ZNF676: variants seen among roughly 807,000 people sequenced by gnomAD.
ZNF676 encodes zinc finger protein 676.
Under a neutral mutation model 6.0 loss-of-function variants are expected in ZNF676, and 4 were observed. The ratio of observed to expected loss-of-function variants is 0.67; its 90% confidence interval spans 0.33 to 1.53. The LOEUF is 1.53. ZNF676 is among the 40% of genes most tolerant of loss of function. ZNF676 has a pLI of 0.06. For missense variants in ZNF676, 644 were observed against 679.7 expected (o/e 0.95, Z 0.58); for synonymous variants, 198 against 223.1 (o/e 0.89, Z 1.00).
At chr19:22,202,322 T>C (rs2024034407) in intron 1 of ZNF676, among the ~76,000 whole-genome samples, 1 of 152,176 alleles carries the variant, frequency 6.6e-6, no homozygotes, top group Middle Eastern at 3.2e-3. Context: ...ATAAAGTTTG[T>C]AGAAATCTGT....
At chr19:22,256,964 C>T in the ZNF676 span, among the ~76,000 whole-genome samples, 2 of 152,078 alleles carry the variant, frequency 1.3e-5, no homozygotes, top group Admixed American at 6.6e-5. Flanking sequence ...ACTAGTGATA[C>T]ATCACAATCC....
chr19:22,204,972 C>T (rs974939000), intron 1 of ZNF676, among the ~76,000 whole-genome samples: 5 of 152,140 alleles, frequency 3.3e-5, no homozygotes, highest in African/African-American at 1.2e-4. Context: ...CTTATTTTCA[C>T]ATATGAGAAT....
At chr19:22,190,501 T>A (rs10417143) in intron 2 of ZNF676, among the ~76,000 whole-genome samples, 66,980 of 150,218 alleles carry the variant, frequency 0.45, 15,990 homozygotes, top group African/African-American at 0.63. Context: ...AATCTTAAAA[T>A]AATAATAATA....
chr19:22,182,585 T>TAAAAAAAAAA lies in ZNF676; in HGVS notation c.131-1009_131-1000dup, dbSNP rs67699215. 2.6e-3 allele frequency among the ~76,000 whole-genome samples: 115 copies of TAAAAAAAAAA among 44,988 alleles called. 1 individual carries two copies. Among genetic ancestry groups the TAAAAAAAAAA allele is most frequent in the African/African-American group, 0.011 (106 of 9,434 alleles). 29.5% of individuals were successfully genotyped at this position (44,988 alleles called of 152,430 possible). A position where few individuals can be genotyped will look rare whatever the true frequency, so the allele number is the denominator to read the frequency against. ...GAACAGTGTGATATAGTCAAAGTTCTAAAAAAAAAAAAAAAAAGCAAACAA... is the reference window on the plus strand; with the variant it reads ...GAACAGTGTGATATAGTCAAAGTTCTAAAAAAAAAAAAAAAAAAAAAAAAAAAGCAAACAA... On this transcript the variant is annotated intron_variant, in intron 2 of 2. Coordinates refer to ENST00000397121, the MANE Select transcript of ZNF676 (RefSeq NM_001001411.3).
At chr19:22,221,423 C>A in the ZNF676 span, among the ~76,000 whole-genome samples, 2 of 151,946 alleles carry the variant, frequency 1.3e-5, no homozygotes, top group Non-Finnish European at 2.9e-5. Context: ...CCACTGTGGC[C>A]TAAGACAGTA....
In ZNF676 at chr19:22,181,566, G is replaced by T. The variant is rs1231429628; in HGVS notation, c.151C>A (p.Gln51Lys). 1.3e-6 allele frequency: 2 copies of T among 1,559,134 alleles called. No homozygotes were observed. The highest frequency in any genetic ancestry group is 1.7e-6 in the Non-Finnish European group (2 of 1,156,424). The change falls in exon 3 of 3, where the codon CAA (glutamine) becomes AAA (lysine). Residue 51 changes from glutamine (Q) to lysine (K), a missense_variant. By Grantham distance (53) the Gln-to-Lys change is moderately conservative. Transcript: ENST00000397121. ...EPPVICSHFS[Q>K]EFWPEQGIED... ...ATGCCTTGCTCTGGCCAAAACTCTT[G>T]GGAAAAATGAGAACATATAACTGAA...
intron 1 of ZNF676, chr19:22,203,650 AATGGCATG>A (rs935644951): frequency 1.3e-5 from 2 of 152,478 alleles, no homozygotes; most frequent in Non-Finnish European, 2.9e-5. Flanking sequence ...GCTGGAGTGC[AATGGCATG>A]ATCTTGGCTC....
intron 2 of ZNF676, among the ~76,000 whole-genome samples, chr19:22,186,787 G>A (rs1465704956): frequency 6.6e-6 from 1 of 152,154 alleles, no homozygotes; most frequent in Non-Finnish European, 1.5e-5. Flanking sequence ...AGACAAAGAT[G>A]GGCATTACAT....
At chr19:22,198,221 TC>T (rs1327179522), upstream of ZNF676, among the ~76,000 whole-genome samples, 1 of 152,206 alleles carries the variant, frequency 6.6e-6, no homozygotes, top group Non-Finnish European at 1.5e-5. Context: ...ATCTACACTT[TC>T]CCATGTTCAA....
the ZNF676 span, among the ~76,000 whole-genome samples, chr19:22,231,031 T>C: frequency 6.6e-6 from 1 of 152,066 alleles, no homozygotes; most frequent in East Asian, 1.9e-4. Flanking sequence ...AGCATAATCA[T>C]AATGGTGCAG....
At chr19:22,215,514 A>G (rs1366211593) in intron 1 of ZNF676, 2 of 1,215,554 alleles carry the variant, frequency 1.6e-6, no homozygotes, top group Non-Finnish European at 2.4e-6. Flanking sequence ...AGGTCGAGCT[A>G]GGCAAGGAGA....
At chr19:22,207,367 T>A (rs1487646697) in intron 1 of ZNF676, among the ~76,000 whole-genome samples, 1 of 152,048 alleles carries the variant, frequency 6.6e-6, no homozygotes, top group Non-Finnish European at 1.5e-5. Flanking sequence ...GAATAACATA[T>A]CTAGAAATAC....
At chr19:22,226,825 T>C in the ZNF676 span, among the ~76,000 whole-genome samples, 1 of 152,042 alleles carries the variant, frequency 6.6e-6, no homozygotes, top group East Asian at 1.9e-4. Context: ...TCTCAAACTC[T>C]TGATGTCAGG....
chr19:22,195,011 G>C (rs756804820), intron 1 of ZNF676, among the ~76,000 whole-genome samples: 13 of 152,170 alleles, frequency 8.5e-5, no homozygotes, highest in Non-Finnish European at 7.3e-5. Flanking sequence ...AGGCATCACT[G>C]TAATCCCAGG....
At chr19:22,182,615 AAG>A (rs967627837) in intron 2 of ZNF676, among the ~76,000 whole-genome samples, 1 of 149,486 alleles carries the variant, frequency 6.7e-6, no homozygotes, top group African/African-American at 2.4e-5. Context: ...AAACAAAAAA[AAG>A]AAGCTATAAA....
the ZNF676 span, among the ~76,000 whole-genome samples, chr19:22,223,607 A>G: frequency 6.6e-6 from 1 of 151,620 alleles, no homozygotes; most frequent in African/African-American, 2.4e-5. Flanking sequence ...TTTTAGATTC[A>G]GACATTTAGG....
chr19:22,200,727 T>C (rs2024017429), upstream of ZNF676, among the ~76,000 whole-genome samples: 1 of 152,024 alleles, frequency 6.6e-6, no homozygotes, highest in Non-Finnish European at 1.5e-5. Flanking sequence ...TATTATTCAA[T>C]ATGGTGAAAT....
the ZNF676 span, among the ~76,000 whole-genome samples, chr19:22,256,479 G>C: frequency 6.6e-6 from 1 of 152,122 alleles, no homozygotes; most frequent in South Asian, 2.1e-4. Context: ...CAAGGTTCAG[G>C]CAAAAGAAAC....
chr19:22,224,912 T>C, the ZNF676 span, among the ~76,000 whole-genome samples: 9 of 152,108 alleles, frequency 5.9e-5, no homozygotes, highest in Non-Finnish European at 1.3e-4. Flanking sequence ...AAAGGAGTAC[T>C]TTATCCTGGG....
Sources: gnomAD v4.1 joint callset for allele counts (sites outside exome capture counted in the v4.1 genomes callset) on GRCh38, gnomAD v4.1.1 for gene constraint, MANE v1.5 for transcripts, NCBI Gene and HGNC (gene_info 2026-07-23, HGNC 2026-07-21) for gene names.